LYPLA1: variants seen among roughly 807,000 people sequenced by gnomAD.
The protein encoded by LYPLA1 is acyl-protein thioesterase 1.
LYPLA1 carries 17 observed loss-of-function variants against 34.0 expected under a neutral mutation model. That is an observed-to-expected ratio of 0.50 (90% CI 0.34 to 0.75). LYPLA1 has a LOEUF of 0.75. LYPLA1 is among the 30% of genes least tolerant of loss of function. The probability of loss-of-function intolerance (pLI) is 0.01; values close to 1 mark genes in which losing one functional copy is unlikely to be tolerated. For missense variants in LYPLA1, 203 were observed against 288.8 expected (o/e 0.70, Z 2.15); for synonymous variants, 98 against 100.8 (o/e 0.97, Z 0.17).
chr8:54,052,574 AT>A (rs771507194), intron 7 of LYPLA1, 80 bp downstream of exon 7: 4 of 867,062 alleles, frequency 4.6e-6, no homozygotes, highest in Non-Finnish European at 5.4e-6. Flanking sequence ...ATAAAAAAAA[AT>A]AAGATGACTT....
intron 2 of LYPLA1, among the ~76,000 whole-genome samples, chr8:54,084,135 T>A (rs139427657): frequency 0.23 from 25,235 of 108,704 alleles, 4,203 homozygotes; most frequent in East Asian, 0.73. Context: ...AAAAAAAAAA[T>A]AAATAAATAT....
At chr8:54,083,470 G>T (rs1286508314) in intron 2 of LYPLA1, among the ~76,000 whole-genome samples, 1 of 152,098 alleles carries the variant, frequency 6.6e-6, no homozygotes, top group East Asian at 1.9e-4. Flanking sequence ...AATTTATCAT[G>T]ATGTAAAACA....
intron 5 of LYPLA1, among the ~76,000 whole-genome samples, chr8:54,056,560 T>C (rs1289599571): frequency 6.6e-6 from 1 of 152,146 alleles, no homozygotes; most frequent in Non-Finnish European, 1.5e-5. Context: ...AAGGGATTAA[T>C]AACCAGAATA....
intron 8 of LYPLA1, among the ~76,000 whole-genome samples, chr8:54,050,715 T>C (rs1245505164): frequency 6.6e-6 from 1 of 152,232 alleles, no homozygotes; most frequent in Non-Finnish European, 1.5e-5. Context: ...TATATCACAT[T>C]CTGCTATCCA....
intron 8 of LYPLA1, among the ~76,000 whole-genome samples, chr8:54,049,494 G>A (rs796471455): frequency 6.6e-6 from 1 of 152,094 alleles, no homozygotes; most frequent in African/African-American, 2.4e-5. Context: ...AACCTCCGGA[G>A]ATCAAGTGAT....
At chr8:54,068,332 A>C (rs1011631700) in intron 2 of LYPLA1, among the ~76,000 whole-genome samples, 1 of 152,202 alleles carries the variant, frequency 6.6e-6, no homozygotes, top group Non-Finnish European at 1.5e-5. Flanking sequence ...CTTTAACAGA[A>C]TACCACCTGA....
chr8:54,048,188 C>A lies in LYPLA1; in HGVS notation c.640-70G>T, dbSNP rs535498375. The A allele has an allele frequency of 1.2e-4, 110 of 928,136 alleles. No individual in the cohort carries two copies. The East Asian group carries it at 2.7e-3, about 22-fold the overall frequency. The allele number at this position is 928,136 out of a possible 1,614,324, so 57.5% of individuals were successfully genotyped here. ...CAGAAATTAAATTCCCACTAAAATG[C>A]CACTAATCAAATCTATGGTATGCAT... On this transcript the variant is annotated intron_variant, in intron 8 of 8. Coordinates refer to ENST00000316963, the MANE Select transcript of LYPLA1 (RefSeq NM_006330.4).
intron 8 of LYPLA1, 30 bp from the exon 9 acceptor site, chr8:54,048,148 G>T (rs369501704): frequency 1.4e-6 from 2 of 1,404,230 alleles, no homozygotes; most frequent in Admixed American, 1.7e-5. Context: ...TTAATAGGTA[G>T]GTAGTTATGT....
intron 2 of LYPLA1, among the ~76,000 whole-genome samples, chr8:54,097,188 G>T (rs1809749776): frequency 6.6e-6 from 1 of 152,202 alleles, no homozygotes. Flanking sequence ...AGACCTGGAA[G>T]ATACCACCTT....
At chr8:54,072,206 C>G (rs998686008) in intron 2 of LYPLA1, among the ~76,000 whole-genome samples, 1 of 152,058 alleles carries the variant, frequency 6.6e-6, no homozygotes, top group African/African-American at 2.4e-5. Context: ...GAAACTGGAC[C>G]CCCACCTAAC....
chr8:54,085,667 G>T (rs1035001230), intron 2 of LYPLA1, among the ~76,000 whole-genome samples: 1 of 149,430 alleles, frequency 6.7e-6, no homozygotes, highest in African/African-American at 2.5e-5. Flanking sequence ...CTGCCCCGCC[G>T]TCACCCCGTC....
chr8:54,059,834 T>A (rs1586092092), intron 5 of LYPLA1, among the ~76,000 whole-genome samples: 1 of 151,870 alleles, frequency 6.6e-6, no homozygotes, highest in Admixed American at 6.6e-5. Context: ...GGCGGGAGAG[T>A]TGCTGGAGAC....
chr8:54,066,568 G>A (rs909537274), intron 2 of LYPLA1, among the ~76,000 whole-genome samples: 1 of 151,800 alleles, frequency 6.6e-6, no homozygotes, highest in Non-Finnish European at 1.5e-5. Flanking sequence ...ATCACCTGAG[G>A]TCAGGAGTTC....
rs901895325 is a variant in LYPLA1 at position 54,082,323 on chromosome 8, T to C, written c.102-16510A>G. On this transcript the variant is annotated intron_variant, in intron 2 of 8. Transcript: ENST00000316963. ...CACATACATACGCACCATAGTATGT[T>C]TTATTCCTTATTACAATTAGGGGAG... Among the ~76,000 whole-genome samples the C allele has an allele frequency of 2.6e-5, 4 of 152,334 alleles. No individual in the cohort carries two copies. In the East Asian group the frequency reaches 7.7e-4, roughly 29 times the overall value.
chr8:54,063,450 A>C, intron 3 of LYPLA1, 75 bp from the exon 4 acceptor site: 1 of 929,136 alleles, frequency 1.1e-6, no homozygotes, highest in Non-Finnish European at 1.7e-6. Flanking sequence ...AATCAAAAAC[A>C]GATAATTGCT....
At chr8:54,049,086 C>T (rs1349843320) in intron 8 of LYPLA1, among the ~76,000 whole-genome samples, 1 of 152,216 alleles carries the variant, frequency 6.6e-6, no homozygotes, top group Non-Finnish European at 1.5e-5. Context: ...CACTGTAATA[C>T]TCTATATCAG....
intron 2 of LYPLA1, among the ~76,000 whole-genome samples, chr8:54,085,255 C>T (rs550665770): frequency 6.6e-6 from 1 of 152,286 alleles, no homozygotes; most frequent in Admixed American, 6.6e-5. Context: ...CCCGAGGTGC[C>T]GGGATTGCAG....
Position 54,062,941 on chromosome 8 carries a change from T to C in LYPLA1, c.215+387A>G, listed in dbSNP as rs190940024. ...TTCTGACAGTAAAGTGCAGAGGGAA[T>C]GTGAGGATATCTTCAGAGGGCTGGA... is the stretch of plus-strand genomic sequence containing the variant. On this transcript the variant is annotated intron_variant, in intron 4 of 8. Coordinates refer to ENST00000316963, the MANE Select transcript of LYPLA1 (RefSeq NM_006330.4). Among the ~76,000 whole-genome samples the C allele has an allele frequency of 2.5e-3, 380 of 152,268 alleles. 5 individuals are homozygous for C. The highest frequency in any genetic ancestry group is 3.4e-3 in the Non-Finnish European group (228 of 68,028).
At chr8:54,086,416 G>A (rs1466492695) in intron 2 of LYPLA1, among the ~76,000 whole-genome samples, 1 of 62,298 alleles carries the variant, frequency 1.6e-5, no homozygotes, top group Non-Finnish European at 3.0e-5. Flanking sequence ...ACCCAAGAAT[G>A]ATCAATAAAT....
Sources: gnomAD v4.1 joint callset for allele counts (sites outside exome capture counted in the v4.1 genomes callset) on GRCh38, gnomAD v4.1.1 for gene constraint, MANE v1.5 for transcripts, NCBI Gene and HGNC (gene_info 2026-07-23, HGNC 2026-07-21) for gene names.